EHBP1: variants seen among roughly 807,000 people sequenced by gnomAD.
The protein encoded by EHBP1 is EH domain-binding protein 1.
Under a neutral mutation model 144.0 loss-of-function variants are expected in EHBP1, and 55 were observed. The observed-to-expected ratio is 0.38, with a 90% confidence interval of 0.31 to 0.48. The LOEUF (loss-of-function observed/expected upper bound fraction) is 0.48. Ranked by LOEUF, EHBP1 falls within the 20% of genes least tolerant of loss-of-function variation. EHBP1 has a pLI of 0.98. For missense variants in EHBP1, 1,200 were observed against 1,364.2 expected (o/e 0.88, Z 1.90); for synonymous variants, 469 against 472.7 (o/e 0.99, Z 0.10).
intron 4 of EHBP1, among the ~76,000 whole-genome samples, chr2:62,769,676 A>G (rs1206180744): frequency 6.6e-6 from 1 of 152,104 alleles, no homozygotes; most frequent in Non-Finnish European, 1.5e-5. Context: ...TTCATATGAA[A>G]CCAAAAAGTC....
intron 7 of EHBP1, among the ~76,000 whole-genome samples, chr2:62,848,245 AT>A (rs1005062688): frequency 1.3e-5 from 2 of 150,410 alleles, no homozygotes; most frequent in African/African-American, 4.9e-5. Context: ...TGCCCAGCTA[AT>A]TTTTTTTTGT....
intron 3 of EHBP1, among the ~76,000 whole-genome samples, chr2:62,755,563 A>G (rs2040201563): frequency 6.6e-6 from 1 of 152,216 alleles, no homozygotes; most frequent in Non-Finnish European, 1.5e-5. Context: ...TTAACTTGTA[A>G]GAAATTGCCA....
Position 62,750,749 on chromosome 2 carries a change from T to C in EHBP1, c.162+3297T>C, listed in dbSNP as rs564700537. Among the ~76,000 whole-genome samples the C allele has an allele frequency of 1.3e-3, 194 of 152,346 alleles. 2 individuals are homozygous for C. Among genetic ancestry groups the C allele is most frequent in the African/African-American group, 4.5e-3 (189 of 41,584 alleles). On this transcript the variant is annotated intron_variant, in intron 3 of 22. Transcript: ENST00000431489. ...TGTTTTATTCTCTTTGAAGCAATTG[T>C]GAATGGGAGTTCCCTCATGATTTGG...
chr2:62,828,998 G>A (rs2046559084), intron 6 of EHBP1, among the ~76,000 whole-genome samples: 1 of 151,812 alleles, frequency 6.6e-6, no homozygotes, highest in Non-Finnish European at 1.5e-5. Flanking sequence ...TACACCTGGG[G>A]TCCCAGCTAC....
chr2:62,856,372 G>A (rs1002339550), intron 7 of EHBP1, among the ~76,000 whole-genome samples: 2 of 152,206 alleles, frequency 1.3e-5, no homozygotes, highest in African/African-American at 2.4e-5. Flanking sequence ...CACGTTCCCA[G>A]TGCCAGATGT....
chr2:62,677,234 A>G lies in EHBP1; in HGVS notation c.-296+3151A>G, dbSNP rs528240941. Among the ~76,000 whole-genome samples, 3 of 152,332 alleles carry G rather than the reference A, an allele frequency of 2.0e-5. No individual in the cohort carries two copies. The South Asian group carries it at 6.2e-4, about 32-fold the overall frequency. On this transcript the variant is annotated intron_variant, in intron 1 of 22. Transcript: ENST00000405015. ...AAAACCTTTGACGAATAAAGCCAAA[A>G]CAGTAGATGAATACAGCATTTCAAA... is the stretch of plus-strand genomic sequence containing the variant.
intron 3 of EHBP1, among the ~76,000 whole-genome samples, chr2:62,749,228 A>G (rs2039443935): frequency 6.6e-6 from 1 of 152,018 alleles, no homozygotes; most frequent in Non-Finnish European, 1.5e-5. Flanking sequence ...GAGTGAGAAC[A>G]TGCAGTGTTT....
chr2:63,002,441 T>TA (rs919285554), intron 19 of EHBP1, among the ~76,000 whole-genome samples: 1 of 152,060 alleles, frequency 6.6e-6, no homozygotes, highest in Non-Finnish European at 1.5e-5. Context: ...CTCAGCTATT[T>TA]AAAAAAGTAT....
At chr2:63,023,893 A>T (rs2153302415) in intron 19 of EHBP1, among the ~76,000 whole-genome samples, 1 of 152,380 alleles carries the variant, frequency 6.6e-6, no homozygotes, top group South Asian at 2.1e-4. Flanking sequence ...GTGCTTTAAA[A>T]AATTAGAGAT....
At chr2:62,778,730 C>G (rs1384237470) in intron 5 of EHBP1, among the ~76,000 whole-genome samples, 1 of 152,032 alleles carries the variant, frequency 6.6e-6, no homozygotes, top group Admixed American at 6.6e-5. Context: ...TGTTTCTGAC[C>G]TTATTAAATT....
At chr2:63,022,422 C>T (rs1214119766) in intron 19 of EHBP1, among the ~76,000 whole-genome samples, 1 of 152,138 alleles carries the variant, frequency 6.6e-6, no homozygotes, top group East Asian at 1.9e-4. Context: ...TCAAGTGATT[C>T]TCTTGCCTCA....
intron 7 of EHBP1, among the ~76,000 whole-genome samples, chr2:62,848,629 A>T (rs1014008413): frequency 6.6e-6 from 1 of 152,244 alleles, no homozygotes; most frequent in Non-Finnish European, 1.5e-5. Flanking sequence ...CCTACAACAT[A>T]GATGTACCTC....
chr2:62,703,400 A>G (rs932276658), upstream of EHBP1, among the ~76,000 whole-genome samples: 1 of 152,178 alleles, frequency 6.6e-6, no homozygotes, highest in Non-Finnish European at 1.5e-5. Flanking sequence ...GCAGGCCAAA[A>G]GAGCTGAACA....
intron 5 of EHBP1, among the ~76,000 whole-genome samples, chr2:62,784,154 TAAATCACTAA>T (rs1168943005): frequency 2.0e-5 from 3 of 152,204 alleles, no homozygotes; most frequent in Non-Finnish European, 4.4e-5. Context: ...AACTACTAAT[TAAATCACTAA>T]AAATCATGAT....
intron 12 of EHBP1, among the ~76,000 whole-genome samples, chr2:62,945,649 A>G (rs530067969): frequency 3.3e-5 from 5 of 152,180 alleles, no homozygotes; most frequent in African/African-American, 1.2e-4. Flanking sequence ...ACTTGGGAGG[A>G]TGAGGTGGGA....
At chr2:62,849,123 T>C (rs1027563219) in intron 7 of EHBP1, among the ~76,000 whole-genome samples, 4 of 152,054 alleles carry the variant, frequency 2.6e-5, no homozygotes, top group African/African-American at 9.7e-5. Context: ...TTACCCAATA[T>C]AATAAAATGG....
chr2:63,032,962 G>A (rs562451919), intron 19 of EHBP1, among the ~76,000 whole-genome samples: 1 of 152,274 alleles, frequency 6.6e-6, no homozygotes, highest in Admixed American at 6.5e-5. Context: ...TTAAACTGCT[G>A]AAAACATCAA....
chr2:62,860,772 G>A (rs999449034), intron 8 of EHBP1, among the ~76,000 whole-genome samples: 2 of 152,096 alleles, frequency 1.3e-5, no homozygotes, highest in African/African-American at 4.8e-5. Flanking sequence ...TTTTCTAAAT[G>A]TAAGTCTGTT....
At chr2:62,982,188 C>T (rs2059003110) in intron 15 of EHBP1, among the ~76,000 whole-genome samples, 1 of 152,156 alleles carries the variant, frequency 6.6e-6, no homozygotes, top group South Asian at 2.1e-4. Flanking sequence ...GATTCATATA[C>T]ATTTATTTAT....
Sources: allele counts gnomAD v4.1 joint callset (sites outside exome capture counted in the v4.1 genomes callset), GRCh38; gene constraint gnomAD v4.1.1; transcripts MANE v1.5; gene names NCBI Gene and HGNC (gene_info 2026-07-23, HGNC 2026-07-21).